The following GPC5 variants were observed in gnomAD, a reference collection of about 807,000 sequenced individuals.
GPC5 encodes glypican-5.
A neutral mutation model predicts 53.9 loss-of-function variants in GPC5; 47 were observed. The ratio of observed to expected loss-of-function variants is 0.87; its 90% CI spans 0.69 to 1.11. The LOEUF (loss-of-function observed/expected upper bound fraction) is 1.11. GPC5 is among the 50% of genes most tolerant of loss of function. The pLI, the probability that GPC5 is intolerant of heterozygous loss-of-function variation, is 0.00. For synonymous variants in GPC5, 286 were observed against 263.3 expected (o/e 1.09, Z -0.84); for missense variants, 748 against 713.1 (o/e 1.05, Z -0.56).
At chr13:91,994,737 A>G (rs2138741688) in intron 6 of GPC5, 1 of 152,292 alleles carries the variant, frequency 6.6e-6, no homozygotes, top group Admixed American at 6.5e-5. Flanking sequence ...ATTGTTAATT[A>G]CACAAAAGTC....
chr13:92,769,075 A>G (rs1156632558), intron 7 of GPC5, among the ~76,000 whole-genome samples: 1 of 152,176 alleles, frequency 6.6e-6, no homozygotes, highest in Non-Finnish European at 1.5e-5. Flanking sequence ...AATGGATTGT[A>G]ATTAATACTA....
At chr13:91,564,561 T>A (rs1323685213) in intron 2 of GPC5, among the ~76,000 whole-genome samples, 1 of 152,188 alleles carries the variant, frequency 6.6e-6, no homozygotes. Context: ...GAGTGAATTT[T>A]AATGTATTTG....
intron 6 of GPC5, among the ~76,000 whole-genome samples, chr13:92,143,169 A>G (rs915800816): frequency 2.6e-5 from 4 of 152,078 alleles, no homozygotes; most frequent in African/African-American, 9.7e-5. Flanking sequence ...TCAATACCCC[A>G]TGTCTCGTGG....
chr13:91,695,293 C>G (rs544646712), intron 3 of GPC5, among the ~76,000 whole-genome samples: 1 of 152,256 alleles, frequency 6.6e-6, no homozygotes, highest in Admixed American at 6.5e-5. Context: ...AAGGAGGTAC[C>G]AATGACTGCT....
At chr13:92,089,091 C>T (rs761587540) in intron 6 of GPC5, among the ~76,000 whole-genome samples, 53 of 152,082 alleles carry the variant, frequency 3.5e-4, no homozygotes, top group African/African-American at 1.3e-3. Context: ...GAATCAAGTC[C>T]GGAAAAATAG....
intron 3 of GPC5, among the ~76,000 whole-genome samples, chr13:91,711,456 G>T (rs1240648084): frequency 1.3e-5 from 2 of 152,018 alleles, no homozygotes; most frequent in Non-Finnish European, 2.9e-5. Flanking sequence ...GCCTGTCAGG[G>T]GGTGGGGGAC....
intron 7 of GPC5, among the ~76,000 whole-genome samples, chr13:92,336,843 A>T (rs999897612): frequency 1.3e-5 from 2 of 152,132 alleles, no homozygotes; most frequent in African/African-American, 2.4e-5. Flanking sequence ...TCTAATTTTT[A>T]AAAAAGAGAT....
intron 7 of GPC5, among the ~76,000 whole-genome samples, chr13:92,325,797 C>T (rs1287513582): frequency 6.6e-6 from 1 of 151,846 alleles, no homozygotes; most frequent in African/African-American, 2.4e-5. Flanking sequence ...AATTACAAAC[C>T]AATAAGGAGT....
intron 7 of GPC5, among the ~76,000 whole-genome samples, chr13:92,228,045 C>T (rs916438891): frequency 1.3e-5 from 2 of 151,580 alleles, no homozygotes; most frequent in African/African-American, 4.9e-5. Context: ...AGTGGATCGT[C>T]ATAAAGATCT....
intron 2 of GPC5, among the ~76,000 whole-genome samples, chr13:91,641,542 A>T (rs1300719209): frequency 6.6e-6 from 1 of 152,244 alleles, no homozygotes; most frequent in Non-Finnish European, 1.5e-5. Flanking sequence ...GGGCTGACAG[A>T]TGCAGCAAAT....
chr13:92,457,990 A>G (rs1451832724), intron 7 of GPC5, among the ~76,000 whole-genome samples: 1 of 152,122 alleles, frequency 6.6e-6, no homozygotes, highest in Non-Finnish European at 1.5e-5. Context: ...AATTGAGGTA[A>G]TCAAGAGAAG....
Position 92,658,744 on chromosome 13 carries a change from G to A in GPC5, c.1562-207538G>A, listed in dbSNP as rs533860108. On this transcript the variant is annotated intron_variant, in intron 7 of 7. Transcript: ENST00000377067. Reference sequence around the variant, plus strand: ...GAAATAGAGATGAGGAAAAAAAGAAGAAATATTTCAGAAAAGTCATGTAAT... The same window carrying A: ...GAAATAGAGATGAGGAAAAAAAGAAAAAATATTTCAGAAAAGTCATGTAAT... Among the ~76,000 whole-genome samples, 38 of 152,122 alleles carry A rather than the reference G, an allele frequency of 2.5e-4. No individual in the cohort carries two copies. In the South Asian group the frequency reaches 7.9e-3, roughly 32 times the overall value.
intron 7 of GPC5, among the ~76,000 whole-genome samples, chr13:92,402,248 C>A (rs10492499): frequency 6.6e-6 from 1 of 152,000 alleles, no homozygotes; most frequent in African/African-American, 2.4e-5. Context: ...TTAATAGCAG[C>A]GAGTTTGGGC....
Position 92,759,748 on chromosome 13 carries a change from T to C in GPC5, c.1562-106534T>C, listed in dbSNP as rs539706314. Among the ~76,000 whole-genome samples the C allele has an allele frequency of 3.4e-3, 514 of 152,200 alleles. 1 individual carries two copies. Among genetic ancestry groups the C allele is most frequent in the South Asian group, 5.4e-3 (26 of 4,834 alleles). ...ACTCTTGATAGTATTTCCAGTACTA[T>C]GGTGAATAGAAGTGGTGAAAATGAG... On this transcript the variant is annotated intron_variant, in intron 7 of 7. Coordinates refer to ENST00000377067, the MANE Select transcript of GPC5 (RefSeq NM_004466.6).
intron 7 of GPC5, among the ~76,000 whole-genome samples, chr13:92,347,884 A>ATATATATAATATATAT (rs2043433364): frequency 6.8e-5 from 1 of 14,614 alleles, no homozygotes; most frequent in Non-Finnish European, 9.3e-5. Flanking sequence ...AATATATATT[A>ATATATATAATATATAT]TATATATTAT....
intron 5 of GPC5, among the ~76,000 whole-genome samples, chr13:91,890,699 G>T (rs1020024418): frequency 5.9e-5 from 9 of 152,132 alleles, no homozygotes; most frequent in Non-Finnish European, 1.0e-4. Context: ...CAGATACAAA[G>T]TTTTAAAAGG....
At chr13:91,486,230 G>A (rs1271337127) in intron 2 of GPC5, 2 of 152,038 alleles carry the variant, frequency 1.3e-5, no homozygotes, top group Non-Finnish European at 2.9e-5. Flanking sequence ...CCATCCGCTG[G>A]GCTCATTCCA....
chr13:92,619,055 G>A (rs564489242), intron 7 of GPC5, among the ~76,000 whole-genome samples: 16 of 151,928 alleles, frequency 1.1e-4, no homozygotes, highest in Admixed American at 3.9e-4. Context: ...AATAATGAGC[G>A]TTAATTTTCT....
chr13:92,186,137 G>A (rs1330984), intron 7 of GPC5, among the ~76,000 whole-genome samples: 126,688 of 151,368 alleles, frequency 0.84, 53,279 homozygotes, highest in East Asian at 0.99. Context: ...TCAAAGTGAT[G>A]CAAGCAGAAC....
Sources: allele counts gnomAD v4.1 joint callset (sites outside exome capture counted in the v4.1 genomes callset), GRCh38; gene constraint gnomAD v4.1.1; transcripts MANE v1.5; gene names NCBI Gene and HGNC (gene_info 2026-07-23, HGNC 2026-07-21).